Variants in NR6A1 observed in about 807,000 individuals in gnomAD.
The protein encoded by NR6A1 is retinoic acid receptor-related testis-associated receptor.
NR6A1 carries 7 observed loss-of-function variants against 59.1 expected under a neutral mutation model. That is an observed-to-expected ratio of 0.12 (90% CI 0.07 to 0.22). The LOEUF (loss-of-function observed/expected upper bound fraction) is 0.22, where lower values mean the gene tolerates loss of function less well. NR6A1 is among the 10% of genes least tolerant of loss of function. NR6A1 has a pLI of 1.00. For missense variants in NR6A1, 468 were observed against 611.6 expected (o/e 0.77, Z 2.48); for synonymous variants, 243 against 236.1 (o/e 1.03, Z -0.27).
At chr9:124,545,914 A>C (rs1447623068) in intron 3 of NR6A1, among the ~76,000 whole-genome samples, 1 of 152,186 alleles carries the variant, frequency 6.6e-6, no homozygotes, top group Non-Finnish European at 1.5e-5. Context: ...TTGGGAGTTC[A>C]AGACCAGCCT....
chr9:124,771,301 C>G lies in NR6A1; in HGVS notation c.-182G>C, dbSNP rs763972304. On this transcript the variant is annotated 5_prime_UTR_variant, in exon 1 of 10. Transcript: ENST00000487099. ...GCTCCGCGCCCCTCCGCGCCGCGCC[C>G]CCTCAGCACTGGCCAGCTCCCTCCC... is the stretch of plus-strand genomic sequence containing the variant. 1.5e-5 allele frequency: 6 copies of G among 389,320 alleles called. No homozygotes were observed. Among genetic ancestry groups the G allele is most frequent in the Admixed American group, 4.5e-5 (1 of 22,280 alleles). 24.1% of individuals were successfully genotyped at this position (389,320 alleles called of 1,614,324 possible). A position where few individuals can be genotyped will look rare whatever the true frequency, so the allele number is the denominator to read the frequency against.
chr9:124,724,228 C>T (rs1839646717), intron 2 of NR6A1, among the ~76,000 whole-genome samples: 2 of 151,800 alleles, frequency 1.3e-5, no homozygotes, highest in South Asian at 2.1e-4. Flanking sequence ...AAAAGATGAG[C>T]TCGGACACAA....
chr9:124,654,076 G>A (rs926495878), intron 2 of NR6A1, among the ~76,000 whole-genome samples: 1 of 152,184 alleles, frequency 6.6e-6, no homozygotes, highest in Admixed American at 6.5e-5. Flanking sequence ...AACCCTCTCT[G>A]TTGTGGAAAG....
intron 2 of NR6A1, among the ~76,000 whole-genome samples, chr9:124,715,146 C>T (rs1409584459): frequency 2.7e-5 from 4 of 150,206 alleles, no homozygotes; most frequent in African/African-American, 7.4e-5. Flanking sequence ...TGCAGTGAGC[C>T]GAGACCATGC....
rs193098318 is a variant in NR6A1, at chr9:124,675,785, A to G, written c.142+57523T>C. Among the ~76,000 whole-genome samples the G allele has an allele frequency of 7.2e-5, 11 of 152,308 alleles. No homozygotes were observed. In the East Asian group the frequency reaches 2.1e-3, roughly 29 times the overall value. ...GCTGGGCAAGCCTGGTACACTTCCA[A>G]ATGAAATCTTTCCATCTAGAATTCT... On this transcript the variant is annotated intron_variant, in intron 2 of 9. Coordinates refer to ENST00000487099, the MANE Select transcript of NR6A1 (RefSeq NM_033334.4).
intron 1 of NR6A1, among the ~76,000 whole-genome samples, chr9:124,770,631 G>A (rs1210450875): frequency 6.8e-6 from 1 of 147,806 alleles, no homozygotes; most frequent in Admixed American, 6.7e-5. Context: ...GAGGAGCCCG[G>A]GGGGAGGGGA....
At chr9:124,526,447 A>T (rs1832941101) in intron 8 of NR6A1, among the ~76,000 whole-genome samples, 1 of 152,186 alleles carries the variant, frequency 6.6e-6, no homozygotes, top group African/African-American at 2.4e-5. Context: ...GTACATATTT[A>T]AAATGACGCA....
chr9:124,525,657 C>T (rs1238081336), intron 8 of NR6A1, among the ~76,000 whole-genome samples: 3 of 151,620 alleles, frequency 2.0e-5, no homozygotes, highest in Non-Finnish European at 4.4e-5. Flanking sequence ...GTGCCTGGCC[C>T]CTCCATTTTT....
At chr9:124,623,332 T>C (rs1836133573) in intron 2 of NR6A1, among the ~76,000 whole-genome samples, 1 of 152,016 alleles carries the variant, frequency 6.6e-6, no homozygotes, top group South Asian at 2.1e-4. Flanking sequence ...GAGGATAGTG[T>C]ATGTCTCATG....
chr9:124,600,740 T>C (rs2130821129), intron 2 of NR6A1, among the ~76,000 whole-genome samples: 1 of 152,092 alleles, frequency 6.6e-6, no homozygotes, highest in East Asian at 1.9e-4. Flanking sequence ...AAGAAAAGTG[T>C]TGGAGAAACA....
chr9:124,655,250 T>G (rs1837225155), intron 2 of NR6A1, among the ~76,000 whole-genome samples: 1 of 152,210 alleles, frequency 6.6e-6, no homozygotes, highest in Middle Eastern at 3.2e-3. Context: ...CTATGAAGTC[T>G]GCCTCTAACA....
chr9:124,621,174 T>C (rs1384101552), intron 2 of NR6A1, among the ~76,000 whole-genome samples: 2 of 152,244 alleles, frequency 1.3e-5, no homozygotes, highest in Non-Finnish European at 2.9e-5. Flanking sequence ...TACTCCTTTT[T>C]AAAATTCTTT....
intron 2 of NR6A1, among the ~76,000 whole-genome samples, chr9:124,596,018 C>T (rs1835261535): frequency 6.6e-6 from 1 of 152,176 alleles, no homozygotes; most frequent in Non-Finnish European, 1.5e-5. Context: ...GACTTATTTT[C>T]TTTAGTTAAC....
chr9:124,654,875 T>TACAC (rs3983841), intron 2 of NR6A1, among the ~76,000 whole-genome samples: 13,777 of 123,774 alleles, frequency 0.11, 929 homozygotes, highest in African/African-American at 0.17. Flanking sequence ...TTTTTTTTTG[T>TACAC]ACACACACAC....
chr9:124,647,720 G>A (rs1417483522), intron 2 of NR6A1, among the ~76,000 whole-genome samples: 3 of 117,286 alleles, frequency 2.6e-5, no homozygotes, highest in Admixed American at 2.0e-4. Context: ...GAGTGAGACC[G>A]TCTCAAAAAA....
rs548538292 is a variant in NR6A1, at chr9:124,711,299, T to G, written c.142+22009A>C. On this transcript the variant is annotated intron_variant, in intron 2 of 9. Transcript: ENST00000487099. ...CACCCTAGTGGTCTTCCCCAAACAT[T>G]ATCTTAATTTTCACAGCCCTATAAA... 6.1e-4 allele frequency among the ~76,000 whole-genome samples: 91 copies of G among 149,976 alleles called. 1 individual carries two copies. In the South Asian group the frequency reaches 0.018, roughly 30 times the overall value.
intron 2 of NR6A1, among the ~76,000 whole-genome samples, chr9:124,566,191 T>C (rs1041668129): frequency 3.9e-5 from 6 of 152,208 alleles, no homozygotes; most frequent in African/African-American, 1.2e-4. Flanking sequence ...AAGCAAAGAA[T>C]AAATACTATA....
chr9:124,670,954 G>A (rs1418623902), intron 2 of NR6A1, among the ~76,000 whole-genome samples: 1 of 152,162 alleles, frequency 6.6e-6, no homozygotes, highest in Non-Finnish European at 1.5e-5. Flanking sequence ...GAGATGCAAA[G>A]GGCTGTCACA....
intron 2 of NR6A1, among the ~76,000 whole-genome samples, chr9:124,709,645 ACTTTTG>A: frequency 6.6e-6 from 1 of 152,066 alleles, no homozygotes; most frequent in African/African-American, 2.4e-5. Flanking sequence ...GAAAACAAAT[ACTTTTG>A]CACCAGGTGG....
Sources: gnomAD v4.1 joint callset for allele counts (sites outside exome capture counted in the v4.1 genomes callset) on GRCh38, gnomAD v4.1.1 for gene constraint, MANE v1.5 for transcripts, NCBI Gene and HGNC (gene_info 2026-07-23, HGNC 2026-07-21) for gene names.